Variants in OTUD7B observed in about 807,000 individuals in gnomAD.
OTUD7B encodes OTU deubiquitinase 7B, also known as OTU domain-containing protein 7B.
Under a neutral mutation model 82.2 loss-of-function variants are expected in OTUD7B, and 34 were observed. The ratio of observed to expected loss-of-function variants is 0.41; its 90% CI spans 0.31 to 0.55. The LOEUF (loss-of-function observed/expected upper bound fraction) is 0.55. OTUD7B is among the 20% of genes least tolerant of loss of function. The pLI is 0.20. For missense variants in OTUD7B, 944 were observed against 1,062.1 expected (o/e 0.89, Z 1.55); for synonymous variants, 398 against 402.7 (o/e 0.99, Z 0.14).
At chr1:149,992,214 A>T (rs1553782253) in intron 1 of OTUD7B, among the ~76,000 whole-genome samples, 1 of 152,068 alleles carries the variant, frequency 6.6e-6, no homozygotes, top group Non-Finnish European at 1.5e-5. Flanking sequence ...ACACAGCAAG[A>T]CTCCGTCTCA....
the OTUD7B span, among the ~76,000 whole-genome samples, chr1:150,017,290 CA>C: frequency 6.6e-6 from 1 of 152,062 alleles, no homozygotes; most frequent in East Asian, 1.9e-4. Flanking sequence ...TATCAGCTCC[CA>C]ATTATTGCAA....
At chr1:149,982,941 G>A (rs1650875382) in intron 1 of OTUD7B, among the ~76,000 whole-genome samples, 1 of 142,404 alleles carries the variant, frequency 7.0e-6, no homozygotes, top group Non-Finnish European at 1.5e-5. Context: ...CCGCCCCCCG[G>A]GTTCACGCCA....
the OTUD7B span, among the ~76,000 whole-genome samples, chr1:150,032,866 C>T: frequency 1.3e-5 from 2 of 152,182 alleles, no homozygotes; most frequent in African/African-American, 2.4e-5. Context: ...AATGCCTCCA[C>T]GTGGAATATA....
chr1:150,064,483 C>T, the OTUD7B span, among the ~76,000 whole-genome samples: 12 of 152,044 alleles, frequency 7.9e-5, no homozygotes, highest in East Asian at 2.1e-3. Context: ...GCAATCCTAC[C>T]GCACGCTTCT....
At chr1:150,059,048 C>CTT in the OTUD7B span, among the ~76,000 whole-genome samples, 73 of 140,966 alleles carry the variant, frequency 5.2e-4, no homozygotes, top group African/African-American at 1.8e-3. Context: ...TTCTTACTTT[C>CTT]TTTTCTTTTT....
At chr1:150,007,517 A>C (rs1457005269) in intron 1 of OTUD7B, among the ~76,000 whole-genome samples, 1 of 152,186 alleles carries the variant, frequency 6.6e-6, no homozygotes, top group African/African-American at 2.4e-5. Context: ...AGCTCATAAT[A>C]GTCTGCCTTC....
chr1:150,035,982 CTCTG>C, the OTUD7B span, among the ~76,000 whole-genome samples: 5 of 114,378 alleles, frequency 4.4e-5, no homozygotes, highest in South Asian at 1.4e-3. Flanking sequence ...TTGAGACATT[CTCTG>C]TCTGCCGTCC....
Position 149,949,063 on chromosome 1 carries a change from A to T in OTUD7B, c.1144T>A (p.Ser382Thr). ...KEQAVIPLTD[S>T]EYKLLPLHFA... ...TGCAAGGGCAGCAGCTTATACTCTG[A>T]ATCTGTAAGTGGGATCACAGCTGGA... The change falls in exon 10 of 12, where the codon TCA (serine) becomes ACA (threonine). Residue 382 changes from serine to threonine, a missense_variant. Ser to Thr is a moderately conservative substitution (Grantham distance 58). Around this residue, in one of 3 missense-constraint regions of OTUD7B, gnomAD observed 530 missense variants for 625.6 expected, o/e 0.85. Transcript: ENST00000581312. The T allele has an allele frequency of 6.2e-7, 1 of 1,612,126 alleles. No homozygotes were observed. Among genetic ancestry groups the T allele is most frequent in the East Asian group, 2.2e-5 (1 of 44,880 alleles).
At chr1:150,004,179 C>T (rs1209215029) in intron 1 of OTUD7B, among the ~76,000 whole-genome samples, 1 of 152,118 alleles carries the variant, frequency 6.6e-6, no homozygotes, top group Non-Finnish European at 1.5e-5. Flanking sequence ...TTCACACACC[C>T]CCAGTGTCAA....
chr1:149,994,156 G>A (rs1266002765), intron 1 of OTUD7B, among the ~76,000 whole-genome samples: 1 of 152,030 alleles, frequency 6.6e-6, no homozygotes, highest in Non-Finnish European at 1.5e-5. Context: ...ACTATTATTG[G>A]TAGTGGTGGT....
intron 1 of OTUD7B, among the ~76,000 whole-genome samples, chr1:150,006,131 C>T (rs979259377): frequency 2.0e-5 from 3 of 152,114 alleles, no homozygotes; most frequent in East Asian, 1.9e-4. Flanking sequence ...TTAGTATGAT[C>T]CCCAAAAATG....
rs1305436075 is a variant in OTUD7B, at chr1:149,942,608, A to G, written c.*1249T>C. 3 of 152,532 alleles carry G rather than the reference A, an allele frequency of 2.0e-5. No homozygotes were observed. The highest frequency in any genetic ancestry group is 3.9e-4 in the East Asian group (2 of 5,194). 9.4% of individuals were successfully genotyped at this position (152,532 alleles called of 1,614,324 possible). ...AACTACCTTTTTATAAATTGCCCCT[A>G]TATGTTTCAACATCAGTCCTAATAT... is the stretch of plus-strand genomic sequence containing the variant. On this transcript the variant is annotated 3_prime_UTR_variant, in exon 12 of 12. Transcript: ENST00000581312.
chr1:149,974,551 C>CAT (rs1559848221), intron 2 of OTUD7B, among the ~76,000 whole-genome samples: 618 of 32,814 alleles, frequency 0.019, 19 homozygotes, highest in African/African-American at 0.047. Context: ...TCTTAGTTAA[C>CAT]TTTTTTTTTT....
chr1:149,957,511 C>T (rs1316840358), intron 7 of OTUD7B, among the ~76,000 whole-genome samples: 7 of 152,202 alleles, frequency 4.6e-5, no homozygotes, highest in African/African-American at 9.6e-5. Flanking sequence ...GCAGTCTGTC[C>T]GTTCTCAGAT....
rs186239256 is a variant in OTUD7B at position 150,003,978 on chromosome 1, T to C, written c.-67+6470A>G. Among the ~76,000 whole-genome samples, 19 of 152,282 alleles carry C rather than the reference T, an allele frequency of 1.2e-4. No individual in the cohort carries two copies. In the East Asian group the frequency reaches 3.5e-3, roughly 28 times the overall value. On this transcript the variant is annotated intron_variant, in intron 1 of 11. Transcript: ENST00000581312. ...CATATTTCCCCAAAATGAGGAAAGC[T>C]TCCTAACTTCTTTATTTCACTCAAT...
intron 7 of OTUD7B, among the ~76,000 whole-genome samples, chr1:149,958,211 C>T (rs1212855304): frequency 1.3e-5 from 2 of 152,162 alleles, no homozygotes; most frequent in Non-Finnish European, 2.9e-5. Context: ...TACCTACCTC[C>T]CCCATCACGG....
At chr1:150,061,369 GGTTT>G in the OTUD7B span, among the ~76,000 whole-genome samples, 1 of 152,086 alleles carries the variant, frequency 6.6e-6, no homozygotes, top group Admixed American at 6.5e-5. Flanking sequence ...CCTTAACTCT[GGTTT>G]ATTTGTCTTA....
rs981969685 is a variant in OTUD7B at position 149,944,402 on chromosome 1, G to C, written c.1987C>G (p.Pro663Ala). The change falls in exon 12 of 12, where the codon CCA becomes GCA. Residue 663 changes from proline to alanine, a missense_variant. Pro to Ala is a conservative substitution (Grantham distance 27, BLOSUM62 -1). Transcript: ENST00000581312. ...MNGGIGGGPPPAKKPEPDARE... is the reference protein window; with the variant it reads ...MNGGIGGGPPAAKKPEPDARE... ...GCATCTGGCTCTGGCTTTTTGGCTGGAGGAGGGCCACCCCCTATTCCTCCA... is the reference window on the plus strand; with the variant it reads ...GCATCTGGCTCTGGCTTTTTGGCTGCAGGAGGGCCACCCCCTATTCCTCCA... 1 of 1,614,074 alleles carries C rather than the reference G, an allele frequency of 6.2e-7. No homozygotes were observed. Among genetic ancestry groups the C allele is most frequent in the Non-Finnish European group, 8.5e-7 (1 of 1,180,006 alleles).
At chr1:150,050,515 C>CA in the OTUD7B span, 1 of 152,102 alleles carries the variant, frequency 6.6e-6, no homozygotes, top group Non-Finnish European at 1.5e-5. Context: ...CATAGTAATT[C>CA]AACAAATCTT....
Sources: gnomAD v4.1 joint callset for allele counts (sites outside exome capture counted in the v4.1 genomes callset) on GRCh38, gnomAD v4.1.1 for gene constraint, gnomAD v4.1.1 regional missense constraint, MANE v1.5 for transcripts, NCBI Gene and HGNC (gene_info 2026-07-23, HGNC 2026-07-21) for gene names.